MEX3B: variants seen among roughly 807,000 people sequenced by gnomAD.
MEX3B encodes RNA-binding protein MEX3B.
In MEX3B, 10 loss-of-function variants were observed where a neutral mutation model predicts 12.2. The ratio of observed to expected loss-of-function variants is 0.82; its 90% CI spans 0.51 to 1.40. MEX3B has a LOEUF of 1.40. MEX3B is among the 40% of genes most tolerant of loss of function. MEX3B has a pLI of 0.00. For missense variants in MEX3B, 839 were observed against 801.4 expected (o/e 1.05, Z -0.57); for synonymous variants, 498 against 356.3 (o/e 1.40, Z -4.48).
chr15:82,044,450 G>T lies in MEX3B; in HGVS notation c.420C>A (p.Ser140=). Reference sequence around the variant, plus strand: ...CGTTGAGTGCCGTGTTCTTATTCCGGGAGGCGCGGATCATGGAGAAGTGCT... The same window carrying T: ...CGTTGAGTGCCGTGTTCTTATTCCGTGAGGCGCGGATCATGGAGAAGTGCT... The part of the protein sequence containing the change: ...AAEHFSMIRA[S]RNKNTALNGA... Residue 140 remains serine (S), a synonymous_variant, in exon 2 of 2, where the codon TCC becomes TCA. Coordinates refer to ENST00000329713, the MANE Select transcript of MEX3B (RefSeq NM_032246.6). The surrounding 1 kb of genome is among the most constrained non-coding windows in gnomAD (Gnocchi z 5.3). The T allele has an allele frequency of 3.1e-6, 5 of 1,613,316 alleles. No homozygotes were observed. Among genetic ancestry groups the T allele is most frequent in the Non-Finnish European group, 4.2e-6 (5 of 1,179,998 alleles).
chr15:82,044,204 C>T lies in MEX3B; in HGVS notation c.666G>A (p.Glu222=). 2 of 1,614,066 alleles carry T rather than the reference C, an allele frequency of 1.2e-6. No homozygotes were observed. The highest frequency in any genetic ancestry group is 1.7e-6 in the Non-Finnish European group (2 of 1,180,034). The change falls in exon 2 of 2, where the codon GAG becomes GAA. Residue 222 remains glutamate (E), a synonymous_variant. Coordinates refer to ENST00000329713, the MANE Select transcript of MEX3B (RefSeq NM_032246.6). The surrounding 1 kb of genome is among the most constrained non-coding windows in gnomAD (Gnocchi z 5.3). ...CGCCGGTACGCAGAGCAATGTGCGC[C>T]TCAATCTCCTCTCGAGCGCGATCCA... ...ENVDRAREEI[E]AHIALRTGGI...
Position 82,043,132 on chromosome 15 carries a change from C to T in MEX3B, c.*28G>A, listed in dbSNP as rs768664698. ...GGAGGGGTTCCCCCTTCCCCCAGCA[C>T]GGTGCGCACTAGCAGCGCCCGCTGC... On this transcript the variant is annotated 3_prime_UTR_variant, in exon 2 of 2. Coordinates refer to ENST00000329713, the MANE Select transcript of MEX3B (RefSeq NM_032246.6). The T allele has an allele frequency of 1.3e-6, 2 of 1,498,640 alleles. No homozygotes were observed. The highest frequency in any genetic ancestry group is 1.3e-5 in the South Asian group (1 of 74,120). 92.8% of individuals were successfully genotyped at this position (1,498,640 alleles called of 1,614,324 possible). A position where few individuals can be genotyped will look rare whatever the true frequency, so the allele number is the denominator to read the frequency against.
Position 82,044,230 on chromosome 15 carries a change from C to T in MEX3B, c.640G>A (p.Val214Met), listed in dbSNP as rs778774282. 6.2e-7 allele frequency: 1 copy of T among 1,614,120 alleles called. No homozygotes were observed. The highest frequency in any genetic ancestry group is 8.5e-7 in the Non-Finnish European group (1 of 1,180,044). ...TCAATCTCCTCTCGAGCGCGATCCA[C>T]GTTCTCTGGCATGCCGGTCACCTCG... is the stretch of plus-strand genomic sequence containing the variant. ...VFEVTGMPEN[V>M]DRAREEIEAH... The change falls in exon 2 of 2, where the codon GTG (valine) becomes ATG (methionine). Residue 214 changes from valine to methionine, a missense_variant. By Grantham distance (21) the Val-to-Met change is conservative. Coordinates refer to ENST00000329713, the MANE Select transcript of MEX3B (RefSeq NM_032246.6). The surrounding 1 kb of genome is among the most constrained non-coding windows in gnomAD (Gnocchi z 5.3).
At position 82,045,889 on chromosome 15, in the gene MEX3B, G is replaced by T; in HGVS notation, c.-184C>A. 1.7e-6 allele frequency: 1 copy of T among 576,636 alleles called. No individual in the cohort carries two copies. The highest frequency in any genetic ancestry group is 2.6e-6 in the Non-Finnish European group (1 of 385,994). 35.7% of individuals were successfully genotyped at this position (576,636 alleles called of 1,614,324 possible). On this transcript the variant is annotated 5_prime_UTR_variant, in exon 1 of 2. Coordinates refer to ENST00000329713, the MANE Select transcript of MEX3B (RefSeq NM_032246.6). ...CTCCGTGCGGTCCGCACCGGGCAGTGGCTGCAGGAGCCCCCACCTGGGTCC... is the reference window on the plus strand; with the variant it reads ...CTCCGTGCGGTCCGCACCGGGCAGTTGCTGCAGGAGCCCCCACCTGGGTCC...
At position 82,044,588 on chromosome 15, in the gene MEX3B, C is replaced by A. The variant is rs961993723; in HGVS notation, c.282G>T (p.Ala94=). The change falls in exon 2 of 2, where the codon GCG becomes GCT. Residue 94 remains alanine (A), a synonymous_variant. Coordinates refer to ENST00000329713, the MANE Select transcript of MEX3B (RefSeq NM_032246.6). This position sits in a 1 kb window ranked among gnomAD's most constrained non-coding sequence, Gnocchi z 5.3. The part of the protein sequence containing the change: ...RQGCKIKALR[A]KTNTYIKTPV... ...GGGTCTTGATGTAAGTATTGGTCTT[C>A]GCCCGCAGCGCTTTGATTTTACAAC... 2 of 1,614,152 alleles carry A rather than the reference C, an allele frequency of 1.2e-6. No homozygotes were observed. The highest frequency in any genetic ancestry group is 1.7e-6 in the Non-Finnish European group (2 of 1,180,026).
Position 82,042,677 on chromosome 15 carries a change from T to C in MEX3B, c.*483A>G. The C allele has an allele frequency of 6.5e-6, 1 of 152,810 alleles. No homozygotes were observed. Among genetic ancestry groups the C allele is most frequent in the Non-Finnish European group, 1.5e-5 (1 of 68,168 alleles). The allele number at this position is 152,810 out of a possible 1,614,324, so 9.5% of individuals were successfully genotyped here. A position where few individuals can be genotyped will look rare whatever the true frequency, so the allele number is the denominator to read the frequency against. On this transcript the variant is annotated 3_prime_UTR_variant, in exon 2 of 2. Transcript: ENST00000329713. ...AAAAAGGATCCACTGTGTTCTATAA[T>C]AAGTATCATAGGAACCCACCCACAA...
Position 82,043,878 on chromosome 15 carries a change from C to A in MEX3B, c.992G>T (p.Gly331Val), listed in dbSNP as rs1189475646. 3 of 1,588,816 alleles carry A rather than the reference C, an allele frequency of 1.9e-6. No homozygotes were observed. The highest frequency in any genetic ancestry group is 8.6e-7 in the Non-Finnish European group (1 of 1,168,748). Residue 331 changes from glycine to valine, a missense_variant, in exon 2 of 2, where the codon GGA (glycine) becomes GTA (valine). Gly to Val is a moderately radical substitution (Grantham distance 109, BLOSUM62 -3). This residue lies in a region of MEX3B where 573 missense variants were observed against 488.9 expected (regional missense o/e 1.17). Coordinates refer to ENST00000329713, the MANE Select transcript of MEX3B (RefSeq NM_032246.6). ...CCCATTGCCGTTATTGTTATTGTTT[C>A]CGTTGTGCGCAAAGCTCAGGGCGGG... ...PSPALSFAHN[G>V]NNNNNGNGYT...
Position 82,043,887 on chromosome 15 carries a change from G to A in MEX3B, c.983C>T (p.Ala328Val), listed in dbSNP as rs1420740667. The change falls in exon 2 of 2, where the codon GCG becomes GTG. Residue 328 changes from alanine (A) to valine (V), a missense_variant. Ala to Val is a moderately conservative substitution (Grantham distance 64). Transcript: ENST00000329713. The stretch of plus-strand genomic sequence containing the variant: ...GTTATTGTTATTGTTTCCGTTGTGC[G>A]CAAAGCTCAGGGCGGGGCTAGGGGG... The part of the protein sequence containing the change: ...YSPPSPALSF[A>V]HNGNNNNNGN... The A allele has an allele frequency of 2.5e-6, 4 of 1,589,342 alleles. No homozygotes were observed. The highest frequency in any genetic ancestry group is 1.7e-5 in the Admixed American group (1 of 57,458).
At chr15:82,045,014 G>A (rs2073247886) in intron 1 of MEX3B, 3 of 587,200 alleles carry the variant, frequency 5.1e-6, no homozygotes, top group African/African-American at 1.9e-5. Flanking sequence ...ACTGGGGGTA[G>A]GGGGTGGGGT....
Position 82,044,785 on chromosome 15 carries a change from T to G in MEX3B, c.257-172A>C, listed in dbSNP as rs947164638. On this transcript the variant is annotated intron_variant, in intron 1 of 1. Transcript: ENST00000329713. The surrounding 1 kb of genome is among the most constrained non-coding windows in gnomAD (Gnocchi z 5.3). ...ACTGACCTCGGGCCGCGCCACGGGC[T>G]GGGCAGCGGATCCCACCCGCGAGGC... 36 of 687,224 alleles carry G rather than the reference T, an allele frequency of 5.2e-5. 1 individual carries two copies. The African/African-American group carries it at 5.5e-4, about 11-fold the overall frequency. 42.6% of individuals were successfully genotyped at this position (687,224 alleles called of 1,614,324 possible).
At position 82,045,823 on chromosome 15, in the gene MEX3B, G is replaced by A. The variant is rs1269106435; in HGVS notation, c.-118C>T. On this transcript the variant is annotated 5_prime_UTR_variant, in exon 1 of 2. Coordinates refer to ENST00000329713, the MANE Select transcript of MEX3B (RefSeq NM_032246.6). ...GCGGGGAGGCCGGTCGCCTGCTGAG[G>A]GCTCCGTTGCTTCTTCCTCGGTGCT... 7.0e-6 allele frequency: 8 copies of A among 1,141,464 alleles called. No individual in the cohort carries two copies. Among genetic ancestry groups the A allele is most frequent in the Non-Finnish European group, 9.0e-6 (8 of 886,904 alleles). 70.7% of individuals were successfully genotyped at this position (1,141,464 alleles called of 1,614,324 possible). A position where few individuals can be genotyped will look rare whatever the true frequency, so the allele number is the denominator to read the frequency against.
Position 82,044,454 on chromosome 15 carries a change from G to A in MEX3B, c.416C>T (p.Ala139Val), listed in dbSNP as rs2073243769. 1 of 1,613,430 alleles carries A rather than the reference G, an allele frequency of 6.2e-7. No homozygotes were observed. The highest frequency in any genetic ancestry group is 8.5e-7 in the Non-Finnish European group (1 of 1,180,010). ...SAAEHFSMIR[A>V]SRNKNTALNG... ...GAGTGCCGTGTTCTTATTCCGGGAGGCGCGGATCATGGAGAAGTGCTCGGC... is the reference window on the plus strand; with the variant it reads ...GAGTGCCGTGTTCTTATTCCGGGAGACGCGGATCATGGAGAAGTGCTCGGC... Residue 139 changes from alanine (A) to valine (V), a missense_variant, in exon 2 of 2, where the codon GCC becomes GTC. Ala to Val is a moderately conservative substitution (Grantham distance 64, BLOSUM62 0). Transcript: ENST00000329713. This position sits in a 1 kb window ranked among gnomAD's most constrained non-coding sequence, Gnocchi z 5.3.
At position 82,043,480 on chromosome 15, in the gene MEX3B, G is replaced by C; in HGVS notation, c.1390C>G (p.Pro464Ala). 6.6e-7 allele frequency: 1 copy of C among 1,526,602 alleles called. No individual in the cohort carries two copies. Among genetic ancestry groups the C allele is most frequent in the Admixed American group, 2.1e-5 (1 of 48,012 alleles). 94.6% of individuals were successfully genotyped at this position (1,526,602 alleles called of 1,614,324 possible). Residue 464 changes from proline to alanine, a missense_variant, in exon 2 of 2, where the codon CCG becomes GCG. Transcript: ENST00000329713. ...GCGTAGGCCAGGCCTCCTCCACCCGGGTCGCTGCGCACCCGGCGAGCCAGG... is the reference window on the plus strand; with the variant it reads ...GCGTAGGCCAGGCCTCCTCCACCCGCGTCGCTGCGCACCCGGCGAGCCAGG... ...HHLARRVRSD[P>A]GGGGLAYAAY...
rs760787828 is a variant in MEX3B at position 82,043,634 on chromosome 15, G to A, written c.1236C>T (p.Pro412=). ...SSASSSSVVF[P]GGGASAPSNA... ...TGGAGGGCGCACTGGCGCCACCCCC[G>A]GGGAAGACCACGGAGGAGGAAGAAG... The change falls in exon 2 of 2, where the codon CCC becomes CCT. Residue 412 remains proline, a synonymous_variant. Transcript: ENST00000329713. 50 of 1,606,640 alleles carry A rather than the reference G, an allele frequency of 3.1e-5. No individual in the cohort carries two copies. The highest frequency in any genetic ancestry group is 4.2e-5 in the Non-Finnish European group (49 of 1,176,874).
chr15:82,043,095 G>A lies in MEX3B; in HGVS notation c.*65C>T, dbSNP rs924740732. ...CCCAGGGAGGCAGGCGAGCGCTGGG[G>A]AAAGAGGGTGGGGAGGGGTTCCCCC... is the stretch of plus-strand genomic sequence containing the variant. On this transcript the variant is annotated 3_prime_UTR_variant, in exon 2 of 2. Coordinates refer to ENST00000329713, the MANE Select transcript of MEX3B (RefSeq NM_032246.6). 4 of 1,382,770 alleles carry A rather than the reference G, an allele frequency of 2.9e-6. No homozygotes were observed. The highest frequency in any genetic ancestry group is 3.8e-6 in the Non-Finnish European group (4 of 1,064,420). The allele number at this position is 1,382,770 out of a possible 1,614,324, so 85.7% of individuals were successfully genotyped here. A position where few individuals can be genotyped will look rare whatever the true frequency, so the allele number is the denominator to read the frequency against.
chr15:82,043,588 C>G lies in MEX3B; in HGVS notation c.1282G>C (p.Val428Leu), dbSNP rs971000350. Residue 428 changes from valine (V) to leucine (L), a missense_variant, in exon 2 of 2, where the codon GTG (valine) becomes CTG (leucine). Coordinates refer to ENST00000329713, the MANE Select transcript of MEX3B (RefSeq NM_032246.6). ...GTGCCAGGGTGCAGCCGGCGGTGCA[C>G]CAATAGCCCCAGGTTGGCGTTGGAG... Reference protein sequence around the residue: ...APSNANLGLLVHRRLHPGTSC... With the variant: ...APSNANLGLLLHRRLHPGTSC... The G allele has an allele frequency of 2.5e-6, 4 of 1,578,644 alleles. No individual in the cohort carries two copies. In the African/African-American group the frequency reaches 5.4e-5, roughly 21 times the overall value.
In MEX3B at chr15:82,043,415, C is replaced by A; in HGVS notation, c.1455G>T (p.Leu485Phe). Residue 485 changes from leucine (L) to phenylalanine (F), a missense_variant, in exon 2 of 2, where the codon TTG becomes TTT. Physicochemically the swap from Leu to Phe is conservative, Grantham distance 22 (BLOSUM62 0). Around this residue, in one of 3 missense-constraint regions of MEX3B, gnomAD observed 573 missense variants for 488.9 expected, o/e 1.17. Transcript: ENST00000329713. ...ANGLGAQLPG[L>F]QPSDTSGSSS... ...AGGAGCCCGACGTGTCCGACGGCTGCAAGCCAGGCAGCTGTGCCCCCAGCC... is the reference window on the plus strand; with the variant it reads ...AGGAGCCCGACGTGTCCGACGGCTGAAAGCCAGGCAGCTGTGCCCCCAGCC... The A allele has an allele frequency of 6.4e-7, 1 of 1,573,330 alleles. No homozygotes were observed. Among genetic ancestry groups the A allele is most frequent in the South Asian group, 1.2e-5 (1 of 85,748 alleles).
chr15:82,044,709 G>T lies in MEX3B; in HGVS notation c.257-96C>A. 8.2e-7 allele frequency: 1 copy of T among 1,225,768 alleles called. No homozygotes were observed. Among genetic ancestry groups the T allele is most frequent in the Non-Finnish European group, 1.2e-6 (1 of 845,922 alleles). The allele number at this position is 1,225,768 out of a possible 1,614,324, so 75.9% of individuals were successfully genotyped here. A position where few individuals can be genotyped will look rare whatever the true frequency, so the allele number is the denominator to read the frequency against. ...GGGGACCGGGGACAGCCCGCGTCCAGGACAGCGAGACGGCAGGACAAGAGA... is the reference window on the plus strand; with the variant it reads ...GGGGACCGGGGACAGCCCGCGTCCATGACAGCGAGACGGCAGGACAAGAGA... On this transcript the variant is annotated intron_variant, in intron 1 of 1. Transcript: ENST00000329713. The surrounding 1 kb of genome is among the most constrained non-coding windows in gnomAD (Gnocchi z 5.3).
intron 1 of MEX3B, chr15:82,045,004 A>G: frequency 1.7e-6 from 1 of 579,386 alleles, no homozygotes; most frequent in Non-Finnish European, 3.1e-6. Flanking sequence ...GCGCTGGTCG[A>G]CTGGGGGTAG....
Sources: allele counts gnomAD v4.1 joint callset, GRCh38; gene constraint gnomAD v4.1.1; regional missense constraint gnomAD v4.1.1; non-coding constraint Gnocchi (gnomAD v3.1); transcripts MANE v1.5; gene names NCBI Gene and HGNC (gene_info 2026-07-23, HGNC 2026-07-21).